Variants in GDPD5 observed in about 807,000 individuals in gnomAD.
GDPD5 encodes the protein glycerophosphodiester phosphodiesterase domain containing 5.
A neutral mutation model predicts 75.1 loss-of-function variants in GDPD5; 48 were observed. The observed-to-expected ratio is 0.64, with a 90% CI of 0.51 to 0.81. GDPD5 has a LOEUF of 0.81. Ranked by LOEUF, GDPD5 falls within the 40% of genes least tolerant of loss-of-function variation. The pLI, the probability that GDPD5 is intolerant of heterozygous loss-of-function variation, is 0.00. For synonymous variants in GDPD5, 336 were observed against 339.0 expected (o/e 0.99, Z 0.10); for missense variants, 706 against 822.6 (o/e 0.86, Z 1.73).
intron 1 of GDPD5, among the ~76,000 whole-genome samples, chr11:75,500,748 C>A (rs893052403): frequency 1.3e-5 from 2 of 152,164 alleles, no homozygotes; most frequent in Non-Finnish European, 2.9e-5. Flanking sequence ...TTTCAAGACA[C>A]CTCCATTCCC....
Position 75,449,550 on chromosome 11 carries a change from C to A in GDPD5, c.535G>T (p.Val179Leu). The change falls in exon 8 of 17, where the codon GTG becomes TTG. Residue 179 changes from valine to leucine, a missense_variant. By Grantham distance (32) the Val-to-Leu change is conservative (BLOSUM62 1). Coordinates refer to ENST00000336898, the MANE Select transcript of GDPD5 (RefSeq NM_030792.8). ...TCTGCGCGGGCGAACTGTCCTGCCACGATCCAGGAGAGCATGGTGACTGCT... is the reference window on the plus strand; with the variant it reads ...TCTGCGCGGGCGAACTGTCCTGCCAAGATCCAGGAGAGCATGGTGACTGCT... ...VAAVTMLSWI[V>L]AGQFARAERT... 6.3e-7 allele frequency: 1 copy of A among 1,587,658 alleles called. No individual in the cohort carries two copies. The highest frequency in any genetic ancestry group is 8.6e-7 in the Non-Finnish European group (1 of 1,167,408).
chr11:75,457,654 GGAGCAGGGCCACC>G (rs1949312895), intron 5 of GDPD5, 26 bp downstream of exon 5: 1 of 1,565,414 alleles, frequency 6.4e-7, no homozygotes, highest in East Asian at 2.2e-5. Context: ...CCTTCCCCTG[GGAGCAGGGCCACC>G]TGCCCTCCAA....
chr11:75,475,713 G>T (rs913585556), intron 3 of GDPD5, among the ~76,000 whole-genome samples: 3 of 152,182 alleles, frequency 2.0e-5, no homozygotes, highest in African/African-American at 7.2e-5. Context: ...GTCACCTGAG[G>T]TGAGCTCAGC....
rs1367379611 is a variant in GDPD5, at chr11:75,441,199, G to A, written c.1437C>T (p.His479=). 8.1e-6 allele frequency: 13 copies of A among 1,613,896 alleles called. No individual in the cohort carries two copies. Among genetic ancestry groups the A allele is most frequent in the African/African-American group, 1.3e-5 (1 of 74,926 alleles). Residue 479 remains histidine, a synonymous_variant, in exon 14 of 17, where the codon CAC becomes CAT. Coordinates refer to ENST00000336898, the MANE Select transcript of GDPD5 (RefSeq NM_030792.8). ...GVPSVTSDNS[H]ALSQVPSPLW... ...GGGGGGAAGGCACCTGGGACAGGGC[G>A]TGGGAGTTGTCAGAGGTGACGGATG...
chr11:75,456,686 G>T, intron 6 of GDPD5, 71 bp downstream of exon 6: 1 of 1,447,672 alleles, frequency 6.9e-7, no homozygotes, highest in Non-Finnish European at 9.7e-7. Context: ...ATGGTGGCCA[G>T]GCCCTTCCTC....
intron 11 of GDPD5, 164 bp downstream of exon 11, chr11:75,442,972 C>G (rs985511286): frequency 1.3e-6 from 1 of 747,110 alleles, no homozygotes; most frequent in Middle Eastern, 2.3e-4. Context: ...ATGAGTCTGG[C>G]AGCAGTGGCA....
chr11:75,443,207 C>A lies in GDPD5; in HGVS notation c.877G>T (p.Ala293Ser). Residue 293 changes from alanine to serine, a missense_variant, in exon 11 of 17, where the codon GCC becomes TCC. Coordinates refer to ENST00000336898, the MANE Select transcript of GDPD5 (RefSeq NM_030792.8). ...TTAAGCATGGAGGCAGGCCTGCGGG[C>A]CAGCTCCGGGAACTCCTCCTCCACG... ...TNVEEEFPEL[A>S]RRPASMLNWT... 3.1e-6 allele frequency: 5 copies of A among 1,604,512 alleles called. No homozygotes were observed. Among genetic ancestry groups the A allele is most frequent in the Non-Finnish European group, 3.4e-6 (4 of 1,176,368 alleles).
intron 9 of GDPD5, 31 bp downstream of exon 9, chr11:75,448,946 G>T (rs757983708): frequency 6.5e-7 from 1 of 1,526,860 alleles, no homozygotes; most frequent in South Asian, 1.3e-5. Flanking sequence ...CCACCCCAAC[G>T]GGGCTGTTAG....
Position 75,449,983 on chromosome 11 carries a change from T to C in GDPD5, c.376A>G (p.Ile126Val), listed in dbSNP as rs1437277746. The C allele has an allele frequency of 3.1e-6, 5 of 1,613,140 alleles. No homozygotes were observed. The highest frequency in any genetic ancestry group is 2.2e-5 in the South Asian group (2 of 91,068). ...QQMNLHWLHK[I>V]GLVVILASTV... ...GAAGCCAGGATGACCACCAGCCCGA[T>C]CTGGAGGGGGAAGAGTCACCGGACA... Residue 126 changes from isoleucine (I) to valine (V), a missense_variant and splice_region_variant, in exon 7 of 17, where the codon ATC becomes GTC. Transcript: ENST00000336898.
chr11:75,501,761 C>A (rs1229996367), intron 1 of GDPD5, among the ~76,000 whole-genome samples: 3 of 152,122 alleles, frequency 2.0e-5, no homozygotes, highest in African/African-American at 7.2e-5. Context: ...GAGGAGGCCA[C>A]CGGCCCTGCT....
intron 1 of GDPD5, among the ~76,000 whole-genome samples, chr11:75,513,518 T>C (rs1421481447): frequency 1.3e-5 from 2 of 152,184 alleles, no homozygotes; most frequent in Admixed American, 1.3e-4. Context: ...CCTCACAGAC[T>C]GCTGTGAGGA....
At chr11:75,486,399 C>T (rs1950022538) in intron 2 of GDPD5, among the ~76,000 whole-genome samples, 1 of 152,148 alleles carries the variant, frequency 6.6e-6, no homozygotes, top group South Asian at 2.1e-4. Context: ...AGCTCTGGCC[C>T]TGCCCAAGGG....
chr11:75,495,308 T>TTA (rs377593028), intron 1 of GDPD5, among the ~76,000 whole-genome samples: 109 of 149,596 alleles, frequency 7.3e-4, no homozygotes, highest in African/African-American at 2.2e-3. Context: ...GAATTTAATT[T>TTA]TATATATATA....
chr11:75,516,905 T>C (rs917650737), intron 1 of GDPD5, among the ~76,000 whole-genome samples: 4 of 152,218 alleles, frequency 2.6e-5, no homozygotes, highest in Non-Finnish European at 5.9e-5. Context: ...TGGACAGTGA[T>C]ACCTGGACTT....
intron 15 of GDPD5, chr11:75,439,292 G>A (rs1196797544): frequency 2.2e-6 from 1 of 455,310 alleles, no homozygotes; most frequent in Non-Finnish European, 4.4e-6. Context: ...GGGATGGCAA[G>A]AGGGAGAAAG....
chr11:75,523,732 T>C (rs1178959485), intron 1 of GDPD5, among the ~76,000 whole-genome samples: 1 of 152,242 alleles, frequency 6.6e-6, no homozygotes, highest in Admixed American at 6.5e-5. Flanking sequence ...ATAGAGATTA[T>C]TGCGAGGATT....
rs138196255 is a variant in GDPD5 at position 75,519,656 on chromosome 11, T to C, written c.-145+5554A>G. ...GCTGTAATTATCCCCATTTTACATA[T>C]GGGGAAACTAAAGCCCAAAGAGGTT... On this transcript the variant is annotated intron_variant, in intron 1 of 16. Coordinates refer to ENST00000336898, the MANE Select transcript of GDPD5 (RefSeq NM_030792.8). 7.2e-5 allele frequency among the ~76,000 whole-genome samples: 11 copies of C among 152,310 alleles called. No homozygotes were observed. In the East Asian group the frequency reaches 1.7e-3, roughly 24 times the overall value.
At chr11:75,455,904 C>A (rs538572123) in intron 6 of GDPD5, among the ~76,000 whole-genome samples, 116 of 152,308 alleles carry the variant, frequency 7.6e-4, no homozygotes, top group Non-Finnish European at 1.5e-3. Flanking sequence ...AGGGGGGGCA[C>A]TGGGAACAGG....
In GDPD5 at chr11:75,441,372, G is replaced by T; in HGVS notation, c.1326-62C>A. On this transcript the variant is annotated intron_variant, in intron 13 of 16. Transcript: ENST00000336898. ...CCTGGCAGCTCCAGGCCCAGTGTCG[G>T]GGCTGGTAAAGCACGTCCTGTTCAC... is the stretch of plus-strand genomic sequence containing the variant. The T allele has an allele frequency of 4.4e-6, 7 of 1,600,188 alleles. No individual in the cohort carries two copies. The South Asian group carries it at 7.7e-5, about 18-fold the overall frequency.
Sources: allele counts gnomAD v4.1 joint callset (sites outside exome capture counted in the v4.1 genomes callset), GRCh38; gene constraint gnomAD v4.1.1; transcripts MANE v1.5; gene names NCBI Gene and HGNC (gene_info 2026-07-23, HGNC 2026-07-21).